Variants in STK33 observed in about 807,000 individuals in gnomAD.
STK33 encodes serine/threonine kinase 33.
In STK33, 52 loss-of-function variants were observed where a neutral mutation model predicts 58.0. That is an observed-to-expected ratio of 0.90 (90% CI 0.72 to 1.13). The LOEUF (loss-of-function observed/expected upper bound fraction) is 1.13. Ranked by LOEUF, STK33 falls within the 50% of genes most tolerant of loss-of-function variation. STK33 has a pLI of 0.00. For missense variants in STK33, 630 were observed against 604.2 expected (o/e 1.04, Z -0.45); for synonymous variants, 215 against 200.1 (o/e 1.07, Z -0.63).
intron 14 of STK33, among the ~76,000 whole-genome samples, chr11:8,428,014 A>G (rs547681694): frequency 6.6e-6 from 1 of 152,280 alleles, no homozygotes; most frequent in East Asian, 1.9e-4. Context: ...GAGATCAAGG[A>G]AGAGTATGGG....
intron 12 of STK33, among the ~76,000 whole-genome samples, chr11:8,438,396 A>C (rs969605355): frequency 5.3e-5 from 8 of 152,258 alleles, no homozygotes; most frequent in Non-Finnish European, 4.4e-5. Context: ...ACCTTGAGAA[A>C]GTATGTTATC....
chr11:8,555,160 C>G (rs1956646453), intron 1 of STK33: 1 of 151,448 alleles, frequency 6.6e-6, no homozygotes, highest in Non-Finnish European at 1.5e-5. Context: ...AAAAAAAAGA[C>G]AAATACCACA....
chr11:8,398,440 C>T lies in STK33; in HGVS notation c.1345-5730G>A, dbSNP rs552393098. ...AGATTTTGTCACCACCAGGCCTGCC[C>T]TAAAAGAGCTCCCGAAGGAAGCACT... is the stretch of plus-strand genomic sequence containing the variant. On this transcript the variant is annotated intron_variant, in intron 15 of 15. Coordinates refer to ENST00000687296, the MANE Select transcript of STK33 (RefSeq NM_001352389.2). 1.8e-3 allele frequency among the ~76,000 whole-genome samples: 267 copies of T among 152,276 alleles called. 1 individual carries two copies. The highest frequency in any genetic ancestry group is 6.2e-3 in the African/African-American group (257 of 41,552).
the STK33 span, among the ~76,000 whole-genome samples, chr11:8,361,552 C>T: frequency 1.3e-5 from 2 of 152,210 alleles, no homozygotes; most frequent in Middle Eastern, 3.4e-3. This position sits in a 1 kb window ranked among gnomAD's most constrained non-coding sequence, Gnocchi z 4.8. Flanking sequence ...CCAGGCTCGC[C>T]TCAACCTCTG....
chr11:8,395,913 T>G (rs1050226371), intron 15 of STK33, among the ~76,000 whole-genome samples: 2 of 152,240 alleles, frequency 1.3e-5, no homozygotes, highest in African/African-American at 4.8e-5. Flanking sequence ...ATCTTACCAG[T>G]AGCATACAAG....
At chr11:8,486,630 T>C (rs1314982400) in intron 1 of STK33, among the ~76,000 whole-genome samples, 3 of 152,198 alleles carry the variant, frequency 2.0e-5, no homozygotes, top group African/African-American at 7.2e-5. Context: ...GCAGAGATGG[T>C]GTTTATGTTG....
At chr11:8,430,198 G>A (rs1459423085) in intron 14 of STK33, among the ~76,000 whole-genome samples, 1 of 151,802 alleles carries the variant, frequency 6.6e-6, no homozygotes, top group Non-Finnish European at 1.5e-5. Flanking sequence ...TATGGTTATA[G>A]AAAAAAAGGA....
the STK33 span, among the ~76,000 whole-genome samples, chr11:8,365,535 G>A: frequency 6.6e-6 from 1 of 152,182 alleles, no homozygotes; most frequent in South Asian, 2.1e-4. Context: ...GGCTTCCAGG[G>A]GGCTGCTGGG....
chr11:8,434,246 C>CA (rs11330436), intron 14 of STK33: 2,224 of 94,002 alleles, frequency 0.024, 62 homozygotes, highest in African/African-American at 0.055. Flanking sequence ...GACTCCGTCT[C>CA]AAAAAAAAAA....
chr11:8,546,380 T>C (rs984169539), intron 1 of STK33, among the ~76,000 whole-genome samples: 2 of 152,224 alleles, frequency 1.3e-5, no homozygotes, highest in Non-Finnish European at 2.9e-5. Flanking sequence ...CAATGTGTAA[T>C]GATCAAATCA....
chr11:8,396,305 T>C (rs919004327), intron 15 of STK33, among the ~76,000 whole-genome samples: 30 of 152,188 alleles, frequency 2.0e-4, no homozygotes, highest in African/African-American at 6.5e-4. Context: ...GGTTTCACCA[T>C]GTTGGCCAGG....
intron 10 of STK33, among the ~76,000 whole-genome samples, chr11:8,453,744 CAA>C (rs1198182009): frequency 6.6e-6 from 1 of 152,190 alleles, no homozygotes; most frequent in Non-Finnish European, 1.5e-5. Context: ...ACAATGAATG[CAA>C]AGTTTCCAGT....
At chr11:8,474,479 A>AT (rs1048015709) in intron 5 of STK33, among the ~76,000 whole-genome samples, 2 of 152,240 alleles carry the variant, frequency 1.3e-5, no homozygotes, top group African/African-American at 2.4e-5. Flanking sequence ...CTGAGAAATA[A>AT]TTAATTTGGG....
the STK33 span, among the ~76,000 whole-genome samples, chr11:8,336,584 A>T: frequency 6.6e-6 from 1 of 152,238 alleles, no homozygotes; most frequent in Admixed American, 6.5e-5. Flanking sequence ...AGGCAGCACA[A>T]AGTGGGTGGC....
chr11:8,498,806 A>C (rs961029502), intron 1 of STK33, among the ~76,000 whole-genome samples: 3 of 152,322 alleles, frequency 2.0e-5, no homozygotes, highest in African/African-American at 7.2e-5. Context: ...GATCTTTGAC[A>C]AACCTGACAC....
At chr11:8,441,635 G>A (rs1944755698) in intron 11 of STK33, among the ~76,000 whole-genome samples, 1 of 152,084 alleles carries the variant, frequency 6.6e-6, no homozygotes, top group South Asian at 2.1e-4. Flanking sequence ...GGGATTAGTG[G>A]CGTGAGACAC....
At chr11:8,462,402 C>T (rs35769012) in intron 7 of STK33, among the ~76,000 whole-genome samples, 6 of 145,542 alleles carry the variant, frequency 4.1e-5, no homozygotes, top group East Asian at 2.0e-4. Context: ...TATATATATA[C>T]ATATATATAC....
At chr11:8,376,549 CTTT>C in the STK33 span, among the ~76,000 whole-genome samples, 1 of 144,490 alleles carries the variant, frequency 6.9e-6, no homozygotes, top group African/African-American at 2.5e-5. Context: ...ATTCTTTTTT[CTTT>C]TTTTTTTTTA....
At chr11:8,340,605 G>A in the STK33 span, among the ~76,000 whole-genome samples, 2 of 152,146 alleles carry the variant, frequency 1.3e-5, no homozygotes, top group Non-Finnish European at 2.9e-5. Flanking sequence ...GCAGGCCAGA[G>A]GTAGGAGCAG....
Sources: gnomAD v4.1 joint callset for allele counts (sites outside exome capture counted in the v4.1 genomes callset) on GRCh38, gnomAD v4.1.1 for gene constraint, Gnocchi (gnomAD v3.1) non-coding constraint, MANE v1.5 for transcripts, NCBI Gene and HGNC (gene_info 2026-07-23, HGNC 2026-07-21) for gene names.